Variants in RGS9 observed in about 807,000 individuals in gnomAD.
RGS9 encodes the protein regulator of G protein signaling 9.
Under a neutral mutation model 102.0 loss-of-function variants are expected in RGS9, and 78 were observed. That is an observed-to-expected ratio of 0.76 (90% confidence interval 0.64 to 0.92). RGS9 has a LOEUF of 0.92. Among genes scored for constraint, RGS9 ranks in the 40% least tolerant of loss-of-function variants. The pLI is 0.00. For missense variants in RGS9, 833 were observed against 866.1 expected, an observed-to-expected ratio of 0.96 and a Z score of 0.48; for synonymous variants, 353 against 318.6, an observed-to-expected ratio of 1.11 and a Z score of -1.15.
intron 1 of RGS9, among the ~76,000 whole-genome samples, chr17:65,139,318 T>C (rs1363958543): frequency 2.7e-5 from 4 of 150,544 alleles, no homozygotes; most frequent in Non-Finnish European, 5.9e-5. Context: ...ACACACACTG[T>C]TTTTTTCCCC....
At chr17:65,220,116 T>C (rs1367856443) in intron 17 of RGS9, among the ~76,000 whole-genome samples, 1 of 151,988 alleles carries the variant, frequency 6.6e-6, no homozygotes, top group Non-Finnish European at 1.5e-5. Context: ...ATCATCACCA[T>C]CATCACCTAG....
chr17:65,154,891 C>T (rs1294237060), intron 2 of RGS9, among the ~76,000 whole-genome samples: 1 of 152,208 alleles, frequency 6.6e-6, no homozygotes, highest in African/African-American at 2.4e-5. Flanking sequence ...CCTGACCTGA[C>T]TATTTATTTT....
intron 3 of RGS9, chr17:65,158,567 T>A (rs1910862953): frequency 1.6e-6 from 1 of 618,400 alleles, no homozygotes; most frequent in Non-Finnish European, 2.9e-6. Context: ...ATAACAGGGA[T>A]AAGTGGGGAG....
intron 1 of RGS9, among the ~76,000 whole-genome samples, chr17:65,142,569 C>T (rs2869574): frequency 0.64 from 93,218 of 146,338 alleles, 33,950 homozygotes; most frequent in East Asian, 0.87. Context: ...TTTCTCCCTT[C>T]CTTTCTTTTT....
chr17:65,137,629 G>A lies in RGS9; in HGVS notation c.57+32G>A, dbSNP rs188109014. On this transcript the variant is annotated intron_variant, in intron 1 of 18. Transcript: ENST00000262406. ...CTGGCCCCTCACCTGGACCCTGGGA[G>A]GAGGGCGGGGGACCGCATCTGCGAA... 930 of 1,609,432 alleles carry A rather than the reference G, an allele frequency of 5.8e-4. 3 individuals carry two copies. In the African/African-American group the frequency reaches 0.01, roughly 18 times the overall value.
At chr17:65,198,178 A>G (rs1912668972) in intron 13 of RGS9, among the ~76,000 whole-genome samples, 1 of 151,988 alleles carries the variant, frequency 6.6e-6, no homozygotes, top group Non-Finnish European at 1.5e-5. Flanking sequence ...TCAGGGCCTT[A>G]GGAGGGTGTG....
chr17:65,174,295 G>C (rs957502767), intron 8 of RGS9, among the ~76,000 whole-genome samples: 1 of 152,326 alleles, frequency 6.6e-6, no homozygotes, highest in East Asian at 1.9e-4. Context: ...CGAAGTCACC[G>C]AGGCAGTGAG....
chr17:65,158,061 G>A (rs887814254), intron 2 of RGS9, among the ~76,000 whole-genome samples: 2 of 152,090 alleles, frequency 1.3e-5, no homozygotes, highest in African/African-American at 4.8e-5. Context: ...GTGTGGGCTG[G>A]GGGTGCGTGC....
At chr17:65,179,972 G>GTCTC (rs375091069) in intron 9 of RGS9, 9 of 150,982 alleles carry the variant, frequency 6.0e-5, no homozygotes, top group Non-Finnish European at 3.0e-5. Flanking sequence ...TATCTTCTCT[G>GTCTC]TCTCTCTCTC....
rs557478898 is a variant in RGS9 at position 65,193,575 on chromosome 17, A to G, written c.779A>G (p.Asn260Ser). 2 of 1,613,908 alleles carry G rather than the reference A, an allele frequency of 1.2e-6. No homozygotes were observed. Among genetic ancestry groups the G allele is most frequent in the Middle Eastern group, 1.6e-4 (1 of 6,062 alleles). ...AAATACAGTGAGCAGTTCTCATCCA[A>G]CGATGCCATCATGTCAGGCTGCCTC... is the stretch of plus-strand genomic sequence containing the variant. ...IVKYSEQFSS[N>S]DAIMSGCLPS... Residue 260 changes from asparagine to serine, a missense_variant, in exon 12 of 19, where the codon AAC becomes AGC. Asn to Ser is a conservative substitution (Grantham distance 46). Transcript: ENST00000262406.
intron 17 of RGS9, 104 bp from the exon 18 acceptor site, chr17:65,224,898 T>A (rs929726608): frequency 4.6e-6 from 7 of 1,508,230 alleles, no homozygotes; most frequent in Non-Finnish European, 6.4e-6. Context: ...AGGCCCGCAC[T>A]CTTGTCGCTG....
At chr17:65,162,369 G>T (rs1331914178) in intron 6 of RGS9, among the ~76,000 whole-genome samples, 1 of 152,026 alleles carries the variant, frequency 6.6e-6, no homozygotes, top group African/African-American at 2.4e-5. Context: ...GCAACACAGT[G>T]AGACACTGTC....
intron 8 of RGS9, among the ~76,000 whole-genome samples, chr17:65,172,505 A>G (rs1259076129): frequency 6.6e-6 from 1 of 152,146 alleles, no homozygotes; most frequent in African/African-American, 2.4e-5. Flanking sequence ...ACATAATGTT[A>G]TATTATAAAA....
At chr17:65,223,031 T>C (rs559733772) in intron 17 of RGS9, among the ~76,000 whole-genome samples, 1 of 152,184 alleles carries the variant, frequency 6.6e-6, no homozygotes, top group African/African-American at 2.4e-5. Flanking sequence ...ATGGCTGGAC[T>C]TCTCTTAGTG....
intron 7 of RGS9, among the ~76,000 whole-genome samples, chr17:65,165,152 A>C (rs1365053577): frequency 6.6e-6 from 1 of 152,014 alleles, no homozygotes; most frequent in African/African-American, 2.4e-5. Flanking sequence ...GGACTATCCC[A>C]GCAACCCACA....
intron 1 of RGS9, among the ~76,000 whole-genome samples, chr17:65,151,848 G>T (rs904195067): frequency 6.6e-6 from 1 of 152,096 alleles, no homozygotes; most frequent in Non-Finnish European, 1.5e-5. Context: ...CATCTTCCTG[G>T]CCACTGCCTC....
intron 8 of RGS9, among the ~76,000 whole-genome samples, chr17:65,175,046 T>C (rs530122951): frequency 6.6e-6 from 1 of 152,022 alleles, no homozygotes; most frequent in South Asian, 2.1e-4. Context: ...CAGTTCAAGA[T>C]GATATTTGGG....
chr17:65,211,778 G>A (rs73994754), intron 17 of RGS9, among the ~76,000 whole-genome samples: 4,331 of 152,302 alleles, frequency 0.028, 209 homozygotes, highest in African/African-American at 0.097. Flanking sequence ...TGCAAACATC[G>A]GTGAATAAAA....
intron 9 of RGS9, among the ~76,000 whole-genome samples, chr17:65,179,381 C>T (rs1027423690): frequency 3.9e-5 from 6 of 152,184 alleles, no homozygotes; most frequent in African/African-American, 4.8e-5. Context: ...CAGCCTTTCC[C>T]GTGTTCCCCT....
Sources: allele counts gnomAD v4.1 joint callset (sites outside exome capture counted in the v4.1 genomes callset), GRCh38; gene constraint gnomAD v4.1.1; transcripts MANE v1.5; gene names NCBI Gene and HGNC (gene_info 2026-07-23, HGNC 2026-07-21).